Variants in ELF2 observed in about 807,000 individuals in gnomAD.
The protein encoded by ELF2 is ETS-related transcription factor Elf-2.
ELF2 carries 11 observed loss-of-function variants against 54.8 expected under a neutral mutation model. That is an observed-to-expected ratio of 0.20 (90% CI 0.13 to 0.33). The LOEUF (loss-of-function observed/expected upper bound fraction) is 0.33. ELF2 is among the 10% of genes least tolerant of loss of function. The pLI is 1.00. For synonymous variants in ELF2, 203 were observed against 245.1 expected, an observed-to-expected ratio of 0.83 and a Z score of 1.61; for missense variants, 513 against 703.0, an observed-to-expected ratio of 0.73 and a Z score of 3.06.
At chr4:139,156,533 T>C (rs1740557598) in intron 1 of ELF2, among the ~76,000 whole-genome samples, 1 of 151,628 alleles carries the variant, frequency 6.6e-6, no homozygotes, top group Admixed American at 6.6e-5. Context: ...CCATGACTAA[T>C]AACAGCTTAA....
chr4:139,155,702 A>G (rs994179044), intron 1 of ELF2, among the ~76,000 whole-genome samples: 1 of 152,236 alleles, frequency 6.6e-6, no homozygotes, highest in African/African-American at 2.4e-5. Flanking sequence ...AGCATTTTAC[A>G]AGGATAGAAA....
chr4:139,096,981 T>G (rs1007460242), intron 4 of ELF2, among the ~76,000 whole-genome samples: 3 of 152,124 alleles, frequency 2.0e-5, no homozygotes, highest in African/African-American at 7.2e-5. Context: ...ACTGTTTTAT[T>G]TTCTATTTAT....
rs569063783 is a variant in ELF2 at position 139,142,438 on chromosome 4, G to T, written c.-251-2941C>A. Among the ~76,000 whole-genome samples, 3 of 152,200 alleles carry T rather than the reference G, an allele frequency of 2.0e-5. No homozygotes were observed. In the South Asian group the frequency reaches 6.2e-4, roughly 32 times the overall value. Reference sequence around the variant, plus strand: ...TGAAGAAGAGGACAGAAAGGTAAGGGAAGGGAGCCAAGTAGGTCCCCTGTA... The same window carrying T: ...TGAAGAAGAGGACAGAAAGGTAAGGTAAGGGAGCCAAGTAGGTCCCCTGTA... On this transcript the variant is annotated intron_variant, in intron 1 of 9. Coordinates refer to ENST00000686138, the MANE Select transcript of ELF2 (RefSeq NM_001331036.3).
In ELF2 at chr4:139,170,716, C is replaced by CATTATATTATATTAT. The variant is rs56747979; in HGVS notation, c.-252+6236_-252+6250dup. On this transcript the variant is annotated intron_variant, in intron 1 of 9. Transcript: ENST00000686138. ...CAAACAACCCAATTATATTACATTA[C>CATTATATTATATTAT]ATTATATTATATTATATTATATTAA... Among the ~76,000 whole-genome samples the CATTATATTATATTAT allele has an allele frequency of 2.2e-4, 32 of 142,722 alleles. 1 individual carries two copies. The highest frequency in any genetic ancestry group is 6.5e-4 in the African/African-American group (25 of 38,190). The allele number at this position is 142,722 out of a possible 152,430, so 93.6% of individuals were successfully genotyped here. A position where few individuals can be genotyped will look rare whatever the true frequency, so the allele number is the denominator to read the frequency against.
chr4:139,076,490 G>C (rs937309457), intron 4 of ELF2, among the ~76,000 whole-genome samples: 2 of 150,952 alleles, frequency 1.3e-5, no homozygotes, highest in Admixed American at 1.3e-4. Context: ...ATTCTAGCAA[G>C]CATTCTCTTT....
intron 1 of ELF2, among the ~76,000 whole-genome samples, chr4:139,175,505 C>T (rs1742813220): frequency 6.6e-6 from 1 of 152,086 alleles, no homozygotes; most frequent in Admixed American, 6.5e-5. Flanking sequence ...TTTATTATTC[C>T]TAAATTCCCT....
intron 4 of ELF2, among the ~76,000 whole-genome samples, chr4:139,105,202 ATATT>A (rs1161113529): frequency 6.6e-6 from 1 of 152,230 alleles, no homozygotes; most frequent in African/African-American, 2.4e-5. Flanking sequence ...TTAATTCCAT[ATATT>A]TACTTTAAAG....
intron 4 of ELF2, chr4:139,100,464 A>G (rs756547997): frequency 1.3e-5 from 2 of 152,194 alleles, no homozygotes; most frequent in Non-Finnish European, 2.9e-5. Flanking sequence ...GCTGGGCTAT[A>G]GTGCACTAAG....
intron 1 of ELF2, among the ~76,000 whole-genome samples, chr4:139,168,714 T>A (rs916566770): frequency 6.6e-6 from 1 of 152,050 alleles, no homozygotes; most frequent in Non-Finnish European, 1.5e-5. Context: ...CAGTGATGCT[T>A]CCAAAGAAAG....
intron 4 of ELF2, among the ~76,000 whole-genome samples, chr4:139,082,225 AAAC>A (rs1361776169): frequency 2.6e-5 from 4 of 152,214 alleles, no homozygotes; most frequent in Middle Eastern, 3.2e-3. Context: ...CAGCCACTGG[AAAC>A]AACATCTCTT....
At chr4:139,162,870 G>A (rs1245400513) in intron 1 of ELF2, among the ~76,000 whole-genome samples, 1 of 152,096 alleles carries the variant, frequency 6.6e-6, no homozygotes, top group Non-Finnish European at 1.5e-5. Flanking sequence ...GCTGAAACAG[G>A]AGGATTACTT....
chr4:139,132,875 A>ATATATAT (rs1560848659), intron 3 of ELF2, among the ~76,000 whole-genome samples: 2 of 123,688 alleles, frequency 1.6e-5, no homozygotes, highest in South Asian at 4.7e-4. Flanking sequence ...TATATATATA[A>ATATATAT]AATATGTAAT....
intron 4 of ELF2, among the ~76,000 whole-genome samples, chr4:139,120,940 C>T (rs1736247290): frequency 6.6e-6 from 1 of 151,972 alleles, no homozygotes; most frequent in Admixed American, 6.6e-5. Context: ...CACCTACCTC[C>T]TATTTGTCCA....
At chr4:139,151,090 A>AAGAAAGAAAGAAAG in intron 1 of ELF2, among the ~76,000 whole-genome samples, 1 of 148,774 alleles carries the variant, frequency 6.7e-6, no homozygotes, top group African/African-American at 2.5e-5. Context: ...GAAAGAAAGA[A>AAGAAAGAAAGAAAG]AGAAAAAGAG....
intron 1 of ELF2, among the ~76,000 whole-genome samples, chr4:139,161,665 A>AC (rs1286284345): frequency 6.7e-6 from 1 of 149,132 alleles, no homozygotes; most frequent in Non-Finnish European, 1.5e-5. Context: ...AAAAAAAAAA[A>AC]AAAAAAAAAA....
chr4:139,146,088 C>T (rs541306389), intron 1 of ELF2, among the ~76,000 whole-genome samples: 39 of 152,258 alleles, frequency 2.6e-4, no homozygotes, highest in East Asian at 2.5e-3. Context: ...GTCAAACTAT[C>T]GCTGTTTGCT....
At chr4:139,133,843 T>G (rs970072230) in intron 3 of ELF2, among the ~76,000 whole-genome samples, 2 of 152,202 alleles carry the variant, frequency 1.3e-5, no homozygotes, top group African/African-American at 4.8e-5. Flanking sequence ...AATAATTGCT[T>G]TGTATACACT....
At chr4:139,072,101 G>A (rs2148695241) in intron 5 of ELF2, 62 bp from the exon 6 acceptor site, 3 of 1,519,844 alleles carry the variant, frequency 2.0e-6, no homozygotes, top group Middle Eastern at 3.4e-4. Context: ...TATGTGGACA[G>A]TTCAATATTT....
chr4:139,069,314 G>A (rs1438606487), intron 6 of ELF2, among the ~76,000 whole-genome samples: 1 of 152,124 alleles, frequency 6.6e-6, no homozygotes, highest in Non-Finnish European at 1.5e-5. Context: ...ATTTCAAAAT[G>A]CACAGATATA....
Sources: gnomAD v4.1 joint callset for allele counts (sites outside exome capture counted in the v4.1 genomes callset) on GRCh38, gnomAD v4.1.1 for gene constraint, MANE v1.5 for transcripts, NCBI Gene and HGNC (gene_info 2026-07-23, HGNC 2026-07-21) for gene names.